Variants in WASHC2C observed in about 807,000 individuals in gnomAD.
WASHC2C encodes WASH complex subunit 2C.
In WASHC2C, 73 loss-of-function variants were observed where a neutral mutation model predicts 142.2. The observed-to-expected ratio is 0.51, with a 90% CI of 0.43 to 0.62. The LOEUF (loss-of-function observed/expected upper bound fraction) is 0.62, where lower values mean the gene tolerates loss of function less well. Ranked by LOEUF, WASHC2C falls within the 20% of genes least tolerant of loss-of-function variation. WASHC2C has a pLI of 0.00. For synonymous variants in WASHC2C, 337 were observed against 565.5 expected (o/e 0.60, Z 5.73); for missense variants, 969 against 1,531.7 (o/e 0.63, Z 6.13).
intron 3 of WASHC2C, 141 bp downstream of exon 3, chr10:45,729,167 C>T (rs2805118): frequency 1.4e-4 from 148 of 1,060,052 alleles, no homozygotes; most frequent in Admixed American, 3.0e-4. Context: ...CTGGGATTAA[C>T]GCCTCTTTTT....
intron 16 of WASHC2C, among the ~76,000 whole-genome samples, chr10:45,757,485 C>A (rs370028994): frequency 0.15 from 21,946 of 150,498 alleles, 1,850 homozygotes; most frequent in Admixed American, 0.23. Context: ...CTTGAAAAGA[C>A]TTCCATATAA....
intron 13 of WASHC2C, 87 bp from the exon 14 acceptor site, chr10:45,754,399 G>T: frequency 6.2e-7 from 1 of 1,600,812 alleles, no homozygotes; most frequent in Admixed American, 1.7e-5. Context: ...TACTAGCTGT[G>T]TGTTACATTG....
chr10:45,728,913 G>A lies in WASHC2C; in HGVS notation c.178G>A (p.Glu60Lys), dbSNP rs782753257. 7 of 1,613,930 alleles carry A rather than the reference G, an allele frequency of 4.3e-6. No individual in the cohort carries two copies. In the South Asian group the frequency reaches 5.5e-5, roughly 13 times the overall value. ...ACAGCAAACTATCTCTAGGACCCAT[G>A]AAATCAAGAAACAAGTGGACGGACT... Reference protein sequence around the residue: ...FSQQTISRTHEIKKQVDGLIR... With the variant: ...FSQQTISRTHKIKKQVDGLIR... Residue 60 changes from glutamate to lysine, a missense_variant, in exon 3 of 31, where the codon GAA (glutamate) becomes AAA (lysine). By Grantham distance (56) the Glu-to-Lys change is moderately conservative. Coordinates refer to ENST00000623400, the MANE Select transcript of WASHC2C (RefSeq NM_001330074.2).
chr10:45,788,545 GAC>G (rs1406043709), intron 28 of WASHC2C, among the ~76,000 whole-genome samples: 14 of 151,548 alleles, frequency 9.2e-5, no homozygotes, highest in Admixed American at 4.6e-4. Flanking sequence ...GGGGTTGTGA[GAC>G]ACAGAGAGCC....
At chr10:45,784,293 C>CACATATAT (rs1305333868) in intron 23 of WASHC2C, among the ~76,000 whole-genome samples, 2,532 of 63,532 alleles carry the variant, frequency 0.04, 187 homozygotes, top group Middle Eastern at 0.096. Flanking sequence ...TATATATACA[C>CACATATAT]ATATATATAT....
At chr10:45,758,038 C>T (rs575485997) in intron 16 of WASHC2C, among the ~76,000 whole-genome samples, 2 of 152,134 alleles carry the variant, frequency 1.3e-5, no homozygotes, top group Admixed American at 1.3e-4. Context: ...TCTTTGGTCT[C>T]CTTAATCTAG....
chr10:45,736,467 GT>G (rs1554864811), intron 3 of WASHC2C, among the ~76,000 whole-genome samples: 1 of 149,942 alleles, frequency 6.7e-6, no homozygotes, highest in African/African-American at 2.5e-5. Context: ...GGGTGTGGTG[GT>G]GCACGCCTGT....
At chr10:45,747,027 T>C (rs1418127514) in intron 8 of WASHC2C, among the ~76,000 whole-genome samples, 2 of 152,252 alleles carry the variant, frequency 1.3e-5, no homozygotes, top group African/African-American at 4.8e-5. Flanking sequence ...CTTACCCTAC[T>C]GTCTTAGCAC....
rs1227809519 is a variant in WASHC2C at position 45,749,836 on chromosome 10, A to AAAAAAATAT, written c.733-259_733-258insAAAAATATA. ...GCAAGACTCCATCTCAAAAAAAAAAAATATATATATATATATATATTTATA... is the reference window on the plus strand; with the variant it reads ...GCAAGACTCCATCTCAAAAAAAAAAAAAAAAATATATATATATATATATATATATTTATA... On this transcript the variant is annotated intron_variant, in intron 8 of 30. Coordinates refer to ENST00000623400, the MANE Select transcript of WASHC2C (RefSeq NM_001330074.2). 1.3e-3 allele frequency among the ~76,000 whole-genome samples: 135 copies of AAAAAAATAT among 101,742 alleles called. 1 individual carries two copies. The highest frequency in any genetic ancestry group is 5.4e-3 in the African/African-American group (124 of 22,962). The allele number at this position is 101,742 out of a possible 152,430, so 66.7% of individuals were successfully genotyped here.
chr10:45,749,825 C>CA (rs1168283573), intron 8 of WASHC2C, among the ~76,000 whole-genome samples: 73 of 77,208 alleles, frequency 9.5e-4, no homozygotes, highest in African/African-American at 2.6e-3. Context: ...GACTCCATCT[C>CA]AAAAAAAAAA....
Position 45,787,193 on chromosome 10 carries a change from C to A in WASHC2C, c.3033C>A (p.Ala1011=). ...CTGTCCTTCCCGGGAGTGGGGAGGC[C>A]GGTGTGAGTTTTGATCTTCCAGCTC... The part of the protein sequence containing the change: ...SVPVLPGSGE[A]GVSFDLPAQA... The change falls in exon 28 of 31, where the codon GCC becomes GCA. Residue 1011 remains alanine, a synonymous_variant. Coordinates refer to ENST00000623400, the MANE Select transcript of WASHC2C (RefSeq NM_001330074.2). 1.3e-6 allele frequency: 2 copies of A among 1,544,494 alleles called. No individual in the cohort carries two copies. Among genetic ancestry groups the A allele is most frequent in the South Asian group, 1.2e-5 (1 of 85,718 alleles).
upstream of WASHC2C, chr10:45,727,156 C>T: frequency 1.4e-6 from 2 of 1,440,564 alleles, no homozygotes; most frequent in Non-Finnish European, 1.8e-6. Context: ...GCTTCCTCCC[C>T]TCAGCATCGC....
intron 23 of WASHC2C, among the ~76,000 whole-genome samples, chr10:45,784,240 ATG>A (rs1190490955): frequency 4.0e-4 from 44 of 109,836 alleles, no homozygotes; most frequent in African/African-American, 1.2e-3. Context: ...ATATATATAT[ATG>A]TGTGTGTGTG....
intron 3 of WASHC2C, among the ~76,000 whole-genome samples, chr10:45,734,280 C>T (rs1429437306): frequency 6.6e-6 from 1 of 151,690 alleles, no homozygotes; most frequent in East Asian, 1.9e-4. Flanking sequence ...AAATCAGCTA[C>T]CCCAAATTAA....
At chr10:45,771,406 A>C in intron 20 of WASHC2C, 1 of 984,418 alleles carries the variant, frequency 1.0e-6, no homozygotes, top group Non-Finnish European at 1.2e-6. Flanking sequence ...AACTTTAAAC[A>C]GACAAGAAAG....
rs1475557656 is a variant in WASHC2C at position 45,769,588 on chromosome 10, A to G, written c.2009A>G (p.Glu670Gly). Residue 670 changes from glutamate (E) to glycine (G), a missense_variant, in exon 20 of 31, where the codon GAA becomes GGA. Physicochemically the swap from Glu to Gly is moderately conservative, Grantham distance 98. Coordinates refer to ENST00000623400, the MANE Select transcript of WASHC2C (RefSeq NM_001330074.2). ...KKTSLFEEDK[E>G]DDLFAIAKDS... is the part of the protein sequence containing the mutation. ...ACCAGTCTCTTTGAGGAAGACAAAG[A>G]AGATGATCTTTTTGCCATTGCCAAG... is the stretch of plus-strand genomic sequence containing the variant. 1.2e-6 allele frequency: 2 copies of G among 1,611,968 alleles called. No homozygotes were observed. Among genetic ancestry groups the G allele is most frequent in the Non-Finnish European group, 1.7e-6 (2 of 1,179,862 alleles).
At position 45,771,257 on chromosome 10, in the gene WASHC2C, C is replaced by T. The variant is rs190137579; in HGVS notation, c.2039+1639C>T. Among the ~76,000 whole-genome samples the T allele has an allele frequency of 1.8e-3, 263 of 147,828 alleles. 2 individuals are homozygous for T. Among genetic ancestry groups the T allele is most frequent in the African/African-American group, 5.0e-3 (198 of 39,838 alleles). On this transcript the variant is annotated intron_variant, in intron 20 of 30. Coordinates refer to ENST00000623400, the MANE Select transcript of WASHC2C (RefSeq NM_001330074.2). ...TCACGCACCTGTAATCCCAGCTACTCGGGAGGCTGAGGCAGGAGAATTGCT... is the reference window on the plus strand; with the variant it reads ...TCACGCACCTGTAATCCCAGCTACTTGGGAGGCTGAGGCAGGAGAATTGCT...
In WASHC2C at chr10:45,769,447, A is replaced by G. The variant is rs544936608; in HGVS notation, c.1870-2A>G. ...GTTTTAATATATATTTTATGTTTTA[A>G]GGACCAGTGGAATATTCCTGCTTCA... On this transcript the variant is annotated splice_acceptor_variant, in intron 19 of 30. Coordinates refer to ENST00000623400, the MANE Select transcript of WASHC2C (RefSeq NM_001330074.2). LOFTEE classifies it high-confidence loss of function. 4.3e-5 allele frequency: 69 copies of G among 1,609,448 alleles called. No individual in the cohort carries two copies. Among genetic ancestry groups the G allele is most frequent in the Admixed American group, 2.7e-4 (16 of 59,672 alleles).
intron 3 of WASHC2C, among the ~76,000 whole-genome samples, chr10:45,730,809 C>T (rs1314941229): frequency 1.3e-5 from 2 of 151,900 alleles, no homozygotes; most frequent in Non-Finnish European, 2.9e-5. Context: ...TTAGAAGAGA[C>T]GGGGTTTCAC....
Sources: gnomAD v4.1 joint callset for allele counts (sites outside exome capture counted in the v4.1 genomes callset) on GRCh38, gnomAD v4.1.1 for gene constraint, MANE v1.5 for transcripts, NCBI Gene and HGNC (gene_info 2026-07-23, HGNC 2026-07-21) for gene names.